The following RASSF3 variants were observed in gnomAD, a reference collection of about 807,000 sequenced individuals.
The protein encoded by RASSF3 is Ras association domain family member 3, also known as ras association domain-containing protein 3.
Under a neutral mutation model 19.9 loss-of-function variants are expected in RASSF3, and 19 were observed. The ratio of observed to expected loss-of-function variants is 0.96; its 90% confidence interval spans 0.67 to 1.40. The LOEUF (loss-of-function observed/expected upper bound fraction) is 1.40. Ranked by LOEUF, RASSF3 falls within the 40% of genes most tolerant of loss-of-function variation. The pLI, the probability that RASSF3 is intolerant of heterozygous loss-of-function variation, is 0.00. For synonymous variants in RASSF3, 110 were observed against 104.2 expected (o/e 1.06, Z -0.34); for missense variants, 306 against 289.8 (o/e 1.06, Z -0.41).
chr12:64,520,190 A>G (rs1234262154), intron 1 of RASSF3, among the ~76,000 whole-genome samples: 4 of 137,854 alleles, frequency 2.9e-5, no homozygotes, highest in Non-Finnish European at 6.1e-5. Flanking sequence ...TTTTTTTGAG[A>G]TGGAGTCTCG....
rs1785623038 is a variant in RASSF3 at position 64,539,571 on chromosome 12, T to C, written c.68-2010T>C. Among the ~76,000 whole-genome samples the C allele has an allele frequency of 3.3e-5, 5 of 151,336 alleles. No individual in the cohort carries two copies. In the South Asian group the frequency reaches 1.0e-3, roughly 32 times the overall value. ...GGGGCGGATCACTTGAGCCCAGGAG[T>C]TCAAGACCAGCCTAGGCAACATGGT... On this transcript the variant is annotated intron_variant, in intron 1 of 1. Coordinates refer to the RASSF3 transcript ENST00000636333.
chr12:64,579,724 TTC>T (rs1166412824), intron 2 of RASSF3, among the ~76,000 whole-genome samples: 1 of 152,102 alleles, frequency 6.6e-6, no homozygotes, highest in Non-Finnish European at 1.5e-5. Flanking sequence ...ATTAAAATAT[TTC>T]TGTCTTTTTC....
Position 64,671,972 on chromosome 12 carries a change from A to G in RASSF3, c.112-12815A>G, listed in dbSNP as rs138319091. ...AATACAGGACAAGAAAGTGGATGGA[A>G]TTAATGGGAACAAGAGTGACATAAA... On this transcript the variant is annotated intron_variant, in intron 1 of 4. Coordinates refer to ENST00000542104, the MANE Select transcript of RASSF3 (RefSeq NM_178169.4). 3.0e-3 allele frequency among the ~76,000 whole-genome samples: 459 copies of G among 152,340 alleles called. 1 individual carries two copies. The highest frequency in any genetic ancestry group is 0.011 in the African/African-American group (438 of 41,582).
intron 1 of RASSF3, among the ~76,000 whole-genome samples, chr12:64,508,913 A>C (rs1001220774): frequency 2.7e-5 from 4 of 150,432 alleles, no homozygotes; most frequent in Admixed American, 6.6e-5. Context: ...AACAAAAACA[A>C]AACCATGCAA....
At chr12:64,570,944 G>A (rs546900991) in intron 2 of RASSF3, among the ~76,000 whole-genome samples, 6 of 152,282 alleles carry the variant, frequency 3.9e-5, no homozygotes, top group South Asian at 2.1e-4. Context: ...AAGGCCAGAC[G>A]CAGTGGCTCA....
At chr12:64,609,668 G>A (rs1302427052), upstream of RASSF3, among the ~76,000 whole-genome samples, 2 of 152,200 alleles carry the variant, frequency 1.3e-5, no homozygotes, top group Non-Finnish European at 2.9e-5. Context: ...GGAATTCCCT[G>A]ATCTCCTTAT....
chr12:64,610,970 C>T (rs781318142), intron 1 of RASSF3, among the ~76,000 whole-genome samples: 108 of 152,286 alleles, frequency 7.1e-4, no homozygotes, highest in Non-Finnish European at 1.1e-3. Context: ...GGCTGAGGGC[C>T]GGCTTCTGCC....
At chr12:64,516,998 C>CAAAAAAAAAAAAA (rs371430838) in intron 1 of RASSF3, among the ~76,000 whole-genome samples, 1 of 51,964 alleles carries the variant, frequency 1.9e-5, no homozygotes, top group Non-Finnish European at 3.8e-5. Flanking sequence ...AAATCTGTCT[C>CAAAAAAAAAAAAA]AAAAAAAAAA....
intron 2 of RASSF3, among the ~76,000 whole-genome samples, chr12:64,587,905 T>C (rs1869842305): frequency 2.6e-5 from 4 of 152,234 alleles, no homozygotes; most frequent in Admixed American, 2.6e-4. Flanking sequence ...GGTAGTTCCA[T>C]GGTATTAACT....
chr12:64,579,382 C>T (rs1869650411), intron 2 of RASSF3, among the ~76,000 whole-genome samples: 1 of 127,192 alleles, frequency 7.9e-6, no homozygotes, highest in Non-Finnish European at 1.6e-5. Context: ...GAGTCTCTCT[C>T]TGTCTGTCGC....
At chr12:64,666,573 C>T (rs184120061) in intron 1 of RASSF3, among the ~76,000 whole-genome samples, 7 of 152,266 alleles carry the variant, frequency 4.6e-5, no homozygotes, top group Non-Finnish European at 7.4e-5. Context: ...TTCTGGATAA[C>T]ACGTTTGATG....
At position 64,675,047 on chromosome 12, in the gene RASSF3, C is replaced by CA. The variant is rs1352558654; in HGVS notation, c.112-9740_112-9739insA. Among the ~76,000 whole-genome samples, 13 of 106,914 alleles carry CA rather than the reference C, an allele frequency of 1.2e-4. 2 individuals carry two copies. Among genetic ancestry groups the CA allele is most frequent in the Admixed American group, 9.0e-5 (1 of 11,088 alleles). The allele number at this position is 106,914 out of a possible 152,430, so 70.1% of individuals were successfully genotyped here. On this transcript the variant is annotated intron_variant, in intron 1 of 4. Transcript: ENST00000542104. ...AAGTTGTCTAAAATACCCACCTAGCCCCCCCCCCCCCCGCCACCCCGGCTT... is the reference window on the plus strand; with the variant it reads ...AAGTTGTCTAAAATACCCACCTAGCCACCCCCCCCCCCCGCCACCCCGGCTT...
intron 2 of RASSF3, among the ~76,000 whole-genome samples, chr12:64,596,761 C>T (rs969428828): frequency 2.6e-5 from 4 of 152,218 alleles, no homozygotes; most frequent in East Asian, 1.9e-4. Context: ...CGGAGTTTTG[C>T]TCTTGTTGCC....
intron 1 of RASSF3, among the ~76,000 whole-genome samples, chr12:64,650,208 A>G (rs1482223682): frequency 6.6e-6 from 1 of 152,026 alleles, no homozygotes; most frequent in Non-Finnish European, 1.5e-5. Context: ...GATCTGGCTT[A>G]CCCTCCCAGA....
intron 2 of RASSF3, among the ~76,000 whole-genome samples, chr12:64,595,639 G>A (rs1235355428): frequency 1.3e-5 from 2 of 152,136 alleles, no homozygotes; most frequent in Non-Finnish European, 2.9e-5. Context: ...AACCTAAGAG[G>A]ATGCAGGGAA....
chr12:64,562,023 T>TTATTTATTTATTTATTTATTTTTG (rs141301351), intron 2 of RASSF3, among the ~76,000 whole-genome samples: 10 of 139,866 alleles, frequency 7.1e-5, no homozygotes, highest in South Asian at 2.4e-4. Context: ...ATTTATTTAT[T>TTATTTATTTATTTATTTATTTTTG]TTTGTTTGTT....
downstream of RASSF3, among the ~76,000 whole-genome samples, chr12:64,546,639 T>C (rs1869068619): frequency 6.6e-6 from 1 of 152,234 alleles, no homozygotes; most frequent in South Asian, 2.1e-4. Context: ...CACTTAACTT[T>C]TTTTCTTATT....
intron 1 of RASSF3, among the ~76,000 whole-genome samples, chr12:64,534,810 C>A (rs114856540): frequency 5.3e-5 from 8 of 152,290 alleles, no homozygotes; most frequent in African/African-American, 1.7e-4. Context: ...TGTCTTCATG[C>A]TAAGCTATGG....
At chr12:64,585,299 C>T (rs73317597) in intron 2 of RASSF3, among the ~76,000 whole-genome samples, 1,766 of 152,288 alleles carry the variant, frequency 0.012, 31 homozygotes, top group African/African-American at 0.04. Context: ...CTAGCCACCA[C>T]GCCTGGCCCA....
Sources: gnomAD v4.1 joint callset for allele counts (sites outside exome capture counted in the v4.1 genomes callset) on GRCh38, gnomAD v4.1.1 for gene constraint, MANE v1.5 for transcripts, NCBI Gene and HGNC (gene_info 2026-07-23, HGNC 2026-07-21) for gene names.